EMSY: variants seen among roughly 807,000 people sequenced by gnomAD.
The protein encoded by EMSY is EMSY transcriptional repressor, BRCA2 interacting, also known as BRCA2-interacting transcriptional repressor EMSY.
In EMSY, 26 loss-of-function variants were observed where a neutral mutation model predicts 134.6. The observed-to-expected ratio is 0.19, with a 90% CI of 0.14 to 0.27. The LOEUF is 0.27. Ranked by LOEUF, EMSY falls within the 10% of genes least tolerant of loss-of-function variation. EMSY has a pLI of 1.00. For missense variants in EMSY, 1,305 were observed against 1,611.4 expected, an observed-to-expected ratio of 0.81 and a Z score of 3.26; for synonymous variants, 579 against 577.8, an observed-to-expected ratio of 1.00 and a Z score of -0.03.
At chr11:76,536,113 G>T in intron 15 of EMSY, 54 bp downstream of exon 16, 1 of 1,221,506 alleles carries the variant, frequency 8.2e-7, no homozygotes, top group Non-Finnish European at 1.1e-6. Context: ...GAGACGGGTT[G>T]TGCTAAAATA....
At position 76,453,615 on chromosome 11, in the gene EMSY, A is replaced by G. The variant is rs73493468; in HGVS notation, c.245+227A>G. 885 of 362,572 alleles carry G rather than the reference A, an allele frequency of 2.4e-3. 5 individuals are homozygous for G. The highest frequency in any genetic ancestry group is 0.017 in the African/African-American group (815 of 47,342). The allele number at this position is 362,572 out of a possible 1,614,324, so 22.5% of individuals were successfully genotyped here. ...AAGTACTCAGGTCAAATCCTGTTAC[A>G]ATGTAATCTCTGTCTAACTAAAAAT... is the stretch of plus-strand genomic sequence containing the variant. On this transcript the variant is annotated intron_variant, in intron 4 of 20. Transcript: ENST00000334736.
intron 12 of EMSY, among the ~76,000 whole-genome samples, chr11:76,524,961 G>C (rs762988129): frequency 3.3e-5 from 5 of 152,198 alleles, no homozygotes; most frequent in Admixed American, 1.3e-4. Context: ...AGGTTGCAGT[G>C]AGCTGAGATC....
In EMSY at chr11:76,544,568, C is replaced by T. The variant is rs367586064; in HGVS notation, c.3019C>T (p.Leu1007Phe). Reference sequence around the variant, plus strand: ...CATCAGGCATCAAAAACTCACCCCTCTCCAGCAAGAACAAGCACAGCCCAA... The same window carrying T: ...CATCAGGCATCAAAAACTCACCCCTTTCCAGCAAGAACAAGCACAGCCCAA... Residue 1007 changes from leucine (L) to phenylalanine (F), a missense_variant, in exon 19 of 21, where the codon CTC (leucine) becomes TTC (phenylalanine). Around this residue, in one of 7 missense-constraint regions of EMSY, gnomAD observed 664 missense variants for 763.9 expected, o/e 0.87. Transcript: ENST00000334736. 6 of 1,614,040 alleles carry T rather than the reference C, an allele frequency of 3.7e-6. No individual in the cohort carries two copies. In the African/African-American group the frequency reaches 8.0e-5, roughly 22 times the overall value.
At chr11:76,548,770 A>G (rs1951743973) in intron 20 of EMSY, among the ~76,000 whole-genome samples, 1 of 152,162 alleles carries the variant, frequency 6.6e-6, no homozygotes, top group Non-Finnish European at 1.5e-5. Flanking sequence ...ATCTTGCATT[A>G]TTTTCTTGAC....
At chr11:76,539,699 G>A (rs2136634051) in intron 17 of EMSY, 59 bp downstream of exon 18, 1 of 1,531,578 alleles carries the variant, frequency 6.5e-7, no homozygotes, top group East Asian at 2.3e-5. Flanking sequence ...TGTTTTGGGG[G>A]GAACCGCTTA....
At chr11:76,521,110 T>C (rs772609218) in intron 11 of EMSY, among the ~76,000 whole-genome samples, 6 of 152,196 alleles carry the variant, frequency 3.9e-5, no homozygotes, top group Non-Finnish European at 8.8e-5. Flanking sequence ...CCTGGAAAGC[T>C]AGGCAGAGGA....
intron 4 of EMSY, chr11:76,454,753 A>G: frequency 6.8e-7 from 1 of 1,464,236 alleles, no homozygotes; most frequent in Non-Finnish European, 9.2e-7. Flanking sequence ...TTAAAGAATG[A>G]ATTTATCCTT....
Position 76,481,624 on chromosome 11 carries a change from C to T in EMSY, c.1108+8784C>T, listed in dbSNP as rs552876936. On this transcript the variant is annotated intron_variant, in intron 8 of 20. Coordinates refer to ENST00000334736, the Ensembl canonical transcript of EMSY. ...TTTTCCCCTCAGAGTATAAAGAAAG[C>T]CACCAGGAAGTTCGAACTGGGCGGA... Among the ~76,000 whole-genome samples the T allele has an allele frequency of 4.6e-5, 7 of 152,336 alleles. No homozygotes were observed. In the East Asian group the frequency reaches 1.4e-3, roughly 29 times the overall value.
intron 8 of EMSY, among the ~76,000 whole-genome samples, chr11:76,487,041 G>C (rs1040658995): frequency 4.6e-5 from 7 of 152,234 alleles, no homozygotes; most frequent in Admixed American, 2.6e-4. Context: ...ACTTTGGGAG[G>C]CTGAGGCAGG....
chr11:76,534,721 C>T (rs887918716), intron 14 of EMSY, among the ~76,000 whole-genome samples: 2 of 152,110 alleles, frequency 1.3e-5, no homozygotes, highest in Non-Finnish European at 2.9e-5. Context: ...CAATTCAAAG[C>T]AGCCTCTTAC....
At chr11:76,548,993 T>C (rs1029564658) in intron 20 of EMSY, among the ~76,000 whole-genome samples, 1 of 152,242 alleles carries the variant, frequency 6.6e-6, no homozygotes, top group Non-Finnish European at 1.5e-5. Context: ...TCTGTCCACG[T>C]TCTCTTGGAG....
intron 20 of EMSY, 141 bp downstream of exon 21, chr11:76,546,438 A>T: frequency 2.4e-6 from 3 of 1,229,432 alleles, no homozygotes; most frequent in Non-Finnish European, 3.3e-6. Flanking sequence ...GGTGTTTGAC[A>T]AATTTGGTTT....
chr11:76,528,550 T>C (rs1233116712), intron 14 of EMSY, 84 bp downstream of exon 15: 1 of 955,784 alleles, frequency 1.0e-6, no homozygotes, highest in African/African-American at 1.7e-5. Context: ...TCTACACATT[T>C]CACAACAAAT....
At chr11:76,446,072 AT>A (rs1401549148) in intron 1 of EMSY, among the ~76,000 whole-genome samples, 1 of 151,914 alleles carries the variant, frequency 6.6e-6, no homozygotes, top group Non-Finnish European at 1.5e-5. Context: ...TCATTCATCC[AT>A]TCGTTTTGCT....
chr11:76,465,979 C>T (rs1222937892), intron 7 of EMSY, among the ~76,000 whole-genome samples: 1 of 152,134 alleles, frequency 6.6e-6, no homozygotes, highest in Non-Finnish European at 1.5e-5. Flanking sequence ...TCCCAGTCTC[C>T]TGCCTCGAGT....
At chr11:76,466,597 C>T (rs1469270617) in intron 7 of EMSY, among the ~76,000 whole-genome samples, 1 of 152,130 alleles carries the variant, frequency 6.6e-6, no homozygotes, top group Non-Finnish European at 1.5e-5. Context: ...CCTGTGATAA[C>T]TTCCCCTTAA....
chr11:76,515,222 G>T (rs917222999), intron 10 of EMSY, among the ~76,000 whole-genome samples: 1 of 151,100 alleles, frequency 6.6e-6, no homozygotes. Context: ...GGGGGAGGAG[G>T]CGAGTATTGA....
chr11:76,464,127 A>T (rs749556530), intron 7 of EMSY, 47 bp downstream of exon 8: 1 of 1,603,258 alleles, frequency 6.2e-7, no homozygotes, highest in Admixed American at 1.7e-5. Flanking sequence ...TCTTTCAGAC[A>T]GTATGATTCA....
chr11:76,478,802 TA>T (rs994343401), intron 8 of EMSY, among the ~76,000 whole-genome samples: 1 of 149,996 alleles, frequency 6.7e-6, no homozygotes, highest in African/African-American at 2.4e-5. Flanking sequence ...TTATTAAATT[TA>T]TTATAATATA....
Sources: allele counts gnomAD v4.1 joint callset (sites outside exome capture counted in the v4.1 genomes callset), GRCh38; gene constraint gnomAD v4.1.1; regional missense constraint gnomAD v4.1.1; transcripts MANE v1.5; gene names NCBI Gene and HGNC (gene_info 2026-07-23, HGNC 2026-07-21).